PSG6: variants seen among roughly 807,000 people sequenced by gnomAD.
PSG6 encodes the protein pregnancy specific beta-1-glycoprotein 6.
In PSG6, 51 loss-of-function variants were observed where a neutral mutation model predicts 43.3. The ratio of observed to expected loss-of-function variants is 1.18; its 90% CI spans 0.94 to 1.49. The LOEUF (loss-of-function observed/expected upper bound fraction) is 1.49, where lower values mean the gene tolerates loss of function less well. Ranked by LOEUF, PSG6 falls within the 40% of genes most tolerant of loss-of-function variation. The pLI is 0.00. For synonymous variants in PSG6, 292 were observed against 197.6 expected, an observed-to-expected ratio of 1.48 and a Z score of -4.01; for missense variants, 770 against 522.2, an observed-to-expected ratio of 1.47 and a Z score of -4.62.
Position 42,914,223 on chromosome 19 carries a change from G to T in PSG6, c.427+1902C>A, listed in dbSNP as rs991634919. Among the ~76,000 whole-genome samples, 33 of 151,424 alleles carry T rather than the reference G, an allele frequency of 2.2e-4. 1 individual carries two copies. Among genetic ancestry groups the T allele is most frequent in the African/African-American group, 6.1e-4 (25 of 41,260 alleles). ...GTGACCTGGGGACATTGGCTCGAGA[G>T]GAAGCCTGGCAGGAGTGGCAACTCC... is the stretch of plus-strand genomic sequence containing the variant. On this transcript the variant is annotated intron_variant, in intron 2 of 5. Transcript: ENST00000187910.
In PSG6 at chr19:42,915,895, G is replaced by C. The variant is rs556189429; in HGVS notation, c.427+230C>G. The C allele has an allele frequency of 7.1e-3, 4,552 of 643,220 alleles. 203 individuals carry two copies. The highest frequency in any genetic ancestry group is 8.6e-3 in the Non-Finnish European group (3,510 of 407,532). The allele number at this position is 643,220 out of a possible 1,614,324, so 39.8% of individuals were successfully genotyped here. On this transcript the variant is annotated intron_variant, in intron 2 of 5. Transcript: ENST00000187910. Reference sequence around the variant, plus strand: ...CTCCTCCTGCTGAGTCCCCCCATCAGACTGTCCTTCCTCTGCAGCGAGTGT... The same window carrying C: ...CTCCTCCTGCTGAGTCCCCCCATCACACTGTCCTTCCTCTGCAGCGAGTGT...
intron 1 of PSG6, 97 bp from the exon 2 acceptor site, chr19:42,916,584 C>G (rs528765009): frequency 1.1e-5 from 16 of 1,464,270 alleles, no homozygotes; most frequent in Admixed American, 2.1e-5. Context: ...CAATCATCAG[C>G]CTTGAAGATA....
At position 42,916,272 on chromosome 19, in the gene PSG6, A is replaced by G. The variant is rs1972327119; in HGVS notation, c.280T>C (p.Tyr94His). The change falls in exon 2 of 6, where the codon TAC (tyrosine) becomes CAC (histidine). Residue 94 changes from tyrosine (Y) to histidine (H), a missense_variant. Tyr to His is a moderately conservative substitution (Grantham distance 83). Transcript: ENST00000187910. The stretch of plus-strand genomic sequence containing the variant: ...GAATATACTGTTTCTCGTCCACTGT[A>G]GGCAGGCCCATATATAATTTGACCG... ...VHGQIIYGPA[Y>H]SGRETVYSNA... is the part of the protein sequence containing the mutation. 1 of 1,612,172 alleles carries G rather than the reference A, an allele frequency of 6.2e-7. No individual in the cohort carries two copies. The highest frequency in any genetic ancestry group is 1.7e-4 in the Middle Eastern group (1 of 6,056).
At chr19:42,906,526 C>T in intron 5 of PSG6, 2 of 1,262,746 alleles carry the variant, frequency 1.6e-6, no homozygotes, top group Non-Finnish European at 2.0e-6. Context: ...GAGCTTGTTT[C>T]AAAGCCTCAG....
At chr19:42,903,805 A>C in intron 5 of PSG6, 1 of 1,437,330 alleles carries the variant, frequency 7.0e-7, no homozygotes, top group Non-Finnish European at 9.2e-7. Context: ...AAGAAGGAGA[A>C]TTGCTTGAGC....
At chr19:42,917,666 G>C in intron 1 of PSG6, 63 bp downstream of exon 1, 1 of 1,594,544 alleles carries the variant, frequency 6.3e-7, no homozygotes, top group Non-Finnish European at 8.6e-7. Context: ...ATCCTCTCCA[G>C]GATACCCCAT....
intron 4 of PSG6, among the ~76,000 whole-genome samples, 174 bp downstream of exon 4, chr19:42,907,402 C>A (rs1483334606): frequency 6.6e-6 from 1 of 151,864 alleles, no homozygotes; most frequent in Non-Finnish European, 1.5e-5. Flanking sequence ...CCCTTATATT[C>A]TTGGTTAAGG....
At chr19:42,906,500 T>C (rs1972114532) in intron 5 of PSG6, 1 of 1,212,496 alleles carries the variant, frequency 8.2e-7, no homozygotes, top group Non-Finnish European at 1.0e-6. Flanking sequence ...CCTCCTCTCA[T>C]TTGGGGGAAA....
rs770764386 is a variant in PSG6, at chr19:42,910,679, G to A, written c.607C>T (p.Leu203=). Residue 203 remains leucine, a synonymous_variant, in exon 3 of 6, where the codon CTA becomes TTA. Coordinates refer to ENST00000187910, the MANE Select transcript of PSG6 (RefSeq NM_001031850.4). The stretch of plus-strand genomic sequence containing the variant: ...GCAATATACTTTGTGACACCAAATA[G>A]ATAGAGGGTCCTGTTGGTTTTGGAC... ...QLSKTNRTLY[L]FGVTKYIAGP... is the part of the protein sequence containing the mutation. The A allele has an allele frequency of 3.7e-6, 6 of 1,612,388 alleles. 1 individual carries two copies. Among genetic ancestry groups the A allele is most frequent in the Non-Finnish European group, 5.1e-6 (6 of 1,179,264 alleles).
In PSG6 at chr19:42,917,821, G is replaced by A. The variant is rs368887105; in HGVS notation, c.-29C>T. 2 of 1,602,346 alleles carry A rather than the reference G, an allele frequency of 1.2e-6. No individual in the cohort carries two copies. Among genetic ancestry groups the A allele is most frequent in the African/African-American group, 1.3e-5 (1 of 74,348 alleles). The stretch of plus-strand genomic sequence containing the variant: ...CTCTGCTGTCTGTGTGTTCTCCCCT[G>A]TGGAGATGAGCCTAGGATCCAGAGA... On this transcript the variant is annotated 5_prime_UTR_variant, in exon 1 of 6. Transcript: ENST00000187910.
intron 2 of PSG6, among the ~76,000 whole-genome samples, chr19:42,912,136 C>G (rs985818258): frequency 9.9e-5 from 15 of 151,570 alleles, no homozygotes; most frequent in African/African-American, 3.6e-4. Flanking sequence ...CCACAATGCG[C>G]GAGTGAGCAC....
At chr19:42,910,268 C>T (rs186010339) in intron 3 of PSG6, 7 of 590,118 alleles carry the variant, frequency 1.2e-5, no homozygotes, top group East Asian at 3.5e-5. Context: ...ACCCTGTGAG[C>T]CAAGTTGCAA....
rs1568447950 is a variant in PSG6 at position 42,916,140 on chromosome 19, T to G, written c.412A>C (p.Thr138Pro). 6.2e-7 allele frequency: 1 copy of G among 1,611,572 alleles called. No individual in the cohort carries two copies. The highest frequency in any genetic ancestry group is 8.5e-7 in the Non-Finnish European group (1 of 1,178,800). Residue 138 changes from threonine to proline, a missense_variant, in exon 2 of 6, where the codon ACT (threonine) becomes CCT (proline). Coordinates refer to ENST00000187910, the MANE Select transcript of PSG6 (RefSeq NM_001031850.4). ...DGTGGVTGYFTVTLYSETPKP... is the reference protein window; with the variant it reads ...DGTGGVTGYFPVTLYSETPKP... Reference sequence around the variant, plus strand: ...AATCACTCACAGTATAAGGTGACAGTGAAATATCCAGTTACTCCTCCAGTC... The same window carrying G: ...AATCACTCACAGTATAAGGTGACAGGGAAATATCCAGTTACTCCTCCAGTC...
At chr19:42,902,542 A>C in intron 5 of PSG6, 96 bp from the exon 6 acceptor site, 2 of 1,531,362 alleles carry the variant, frequency 1.3e-6, no homozygotes, top group South Asian at 2.4e-5. Flanking sequence ...AGGGTGTGAA[A>C]GCAAGTCTAG....
chr19:42,902,354 T>G lies in PSG6; in HGVS notation c.*58A>C, dbSNP rs976274153. 5.4e-5 allele frequency: 85 copies of G among 1,585,014 alleles called. 2 individuals are homozygous for G. The highest frequency in any genetic ancestry group is 6.5e-5 in the Non-Finnish European group (75 of 1,161,914). On this transcript the variant is annotated 3_prime_UTR_variant, in exon 6 of 6. Transcript: ENST00000187910. Reference sequence around the variant, plus strand: ...CATTGAGTTTTTTTCTTCTTTGTCTTGAATTTCATGAAGGTATCAACCTGT... The same window carrying G: ...CATTGAGTTTTTTTCTTCTTTGTCTGGAATTTCATGAAGGTATCAACCTGT...
At chr19:42,916,512 T>C (rs1244507055) in intron 1 of PSG6, 25 bp from the exon 2 acceptor site, 7 of 1,597,778 alleles carry the variant, frequency 4.4e-6, no homozygotes, top group East Asian at 2.2e-5. Context: ...CAGCATCAGT[T>C]AATATTTGGA....
intron 2 of PSG6, among the ~76,000 whole-genome samples, chr19:42,913,552 G>A (rs1972267548): frequency 6.6e-6 from 1 of 151,690 alleles, no homozygotes; most frequent in South Asian, 2.1e-4. Context: ...CTGACAGGAA[G>A]CCAGAAGTCT....
rs150797701 is a variant in PSG6 at position 42,910,857 on chromosome 19, C to A, written c.429G>T (p.Ser143=). 4 of 1,605,676 alleles carry A rather than the reference C, an allele frequency of 2.5e-6. No individual in the cohort carries two copies. Among genetic ancestry groups the A allele is most frequent in the East Asian group, 4.5e-5 (2 of 44,710 alleles). ...VTGYFTVTLY[S]ETPKPSISSS... ...TGGAGATGGAGGGCTTGGGAGTCTC[C>A]GCTGTGCAGAAAACAGAGAGAAGAT... Residue 143 remains serine, a splice_region_variant and synonymous_variant, in exon 3 of 6, where the codon TCG becomes TCT. Transcript: ENST00000187910.
chr19:42,907,586 C>T lies in PSG6; in HGVS notation c.975G>A (p.Leu325=), dbSNP rs149382921. The change falls in exon 4 of 6, where the codon CTG becomes CTA. Residue 325 remains leucine, a synonymous_variant. Transcript: ENST00000187910. The stretch of plus-strand genomic sequence containing the variant: ...ACAAAGGATACTCACAGAGGACATT[C>T]AGGGTGACTGGGTTACTGCGGATGC... ...YGGIRSNPVT[L]NVLYGPDLPR... The T allele has an allele frequency of 4.2e-3, 6,739 of 1,608,064 alleles. 194 individuals are homozygous for T. Among genetic ancestry groups the T allele is most frequent in the Non-Finnish European group, 5.2e-3 (6,111 of 1,175,346 alleles).
Sources: allele counts gnomAD v4.1 joint callset (sites outside exome capture counted in the v4.1 genomes callset), GRCh38; gene constraint gnomAD v4.1.1; transcripts MANE v1.5; gene names NCBI Gene and HGNC (gene_info 2026-07-23, HGNC 2026-07-21).